Variants in KCNT1 observed in about 807,000 individuals in gnomAD.
The protein encoded by KCNT1 is potassium sodium-activated channel subfamily T member 1.
In KCNT1, 78 loss-of-function variants were observed where a neutral mutation model predicts 147.8. The ratio of observed to expected loss-of-function variants is 0.53; its 90% CI spans 0.44 to 0.64. KCNT1 has a LOEUF of 0.64. Among genes scored for constraint, KCNT1 ranks in the 30% least tolerant of loss-of-function variants. The pLI is 0.00. For synonymous variants in KCNT1, 867 were observed against 748.8 expected (o/e 1.16, Z -2.58); for missense variants, 1,419 against 1,750.3 (o/e 0.81, Z 3.38).
intron 4 of KCNT1, among the ~76,000 whole-genome samples, chr9:135,751,755 C>T (rs1303309340): frequency 6.6e-6 from 1 of 152,204 alleles, no homozygotes; most frequent in Admixed American, 6.5e-5. Context: ...GCCCTCGGTG[C>T]CGGCCTGTCC....
chr9:135,769,442 C>T (rs1270173225), intron 15 of KCNT1, among the ~76,000 whole-genome samples: 1 of 152,188 alleles, frequency 6.6e-6, no homozygotes, highest in Non-Finnish European at 1.5e-5. Flanking sequence ...GGACGGCAGA[C>T]CCCCATCCTC....
intron 2 of KCNT1, among the ~76,000 whole-genome samples, chr9:135,749,804 G>T: frequency 6.6e-6 from 1 of 152,122 alleles, no homozygotes. Flanking sequence ...AGTGAGTGCC[G>T]CACCCTGAGC....
intron 1 of KCNT1, among the ~76,000 whole-genome samples, chr9:135,708,570 A>C (rs985853141): frequency 1.3e-5 from 2 of 152,210 alleles, no homozygotes; most frequent in Admixed American, 6.5e-5. Context: ...TTGTTGTTTC[A>C]GACAGAATCT....
intron 2 of KCNT1, among the ~76,000 whole-genome samples, chr9:135,725,283 C>G (rs988899018): frequency 3.3e-5 from 5 of 152,328 alleles, no homozygotes; most frequent in Non-Finnish European, 5.9e-5. Flanking sequence ...CCTCCCAGAA[C>G]CCCAGAATGT....
Position 135,705,773 on chromosome 9 carries a change from C to T in KCNT1, c.110+3405C>T, listed in dbSNP as rs151337167. ...TTGGCCCAGGGAGGTGAGACCAGTA[C>T]TAGCAGCTGGCAAGTGTAACAGGTT... On this transcript the variant is annotated intron_variant, in intron 1 of 30. Transcript: ENST00000371757. Among the ~76,000 whole-genome samples the T allele has an allele frequency of 3.7e-3, 569 of 152,336 alleles. 2 individuals are homozygous for T. Among genetic ancestry groups the T allele is most frequent in the African/African-American group, 0.013 (550 of 41,572 alleles).
chr9:135,716,979 G>A (rs967993845), intron 2 of KCNT1, among the ~76,000 whole-genome samples: 14 of 152,332 alleles, frequency 9.2e-5, no homozygotes, highest in African/African-American at 3.1e-4. Flanking sequence ...ATGTGTGAAG[G>A]ATGGGAGTGG....
chr9:135,763,722 TAAATC>T (rs1346759708), intron 11 of KCNT1, among the ~76,000 whole-genome samples: 3 of 152,188 alleles, frequency 2.0e-5, no homozygotes, highest in African/African-American at 7.2e-5. Flanking sequence ...GACCTTATCT[TAAATC>T]ATTACATCTG....
intron 2 of KCNT1, among the ~76,000 whole-genome samples, chr9:135,729,717 AT>A (rs1369760118): frequency 5.3e-5 from 8 of 151,938 alleles, no homozygotes; most frequent in Non-Finnish European, 1.2e-4. Context: ...TGCCTCCAGT[AT>A]TTTTTGCAAA....
intron 2 of KCNT1, among the ~76,000 whole-genome samples, chr9:135,718,551 G>A (rs1280871598): frequency 6.6e-6 from 1 of 152,208 alleles, no homozygotes; most frequent in Non-Finnish European, 1.5e-5. Flanking sequence ...CTCAGGTCTG[G>A]GTAAGGTGGA....
chr9:135,775,480 C>T, intron 20 of KCNT1, 65 bp downstream of exon 20: 1 of 1,201,202 alleles, frequency 8.3e-7, no homozygotes, highest in Non-Finnish European at 1.2e-6. Flanking sequence ...TGCATACCTG[C>T]CCTGGTTTCT....
At chr9:135,772,652 G>A in intron 18 of KCNT1, 63 bp from the exon 19 acceptor site, 1 of 1,258,334 alleles carries the variant, frequency 7.9e-7, no homozygotes, top group Non-Finnish European at 1.0e-6. Flanking sequence ...CCTGAGCTCT[G>A]GGAACTCGCC....
At chr9:135,762,248 A>C (rs368231499) in intron 11 of KCNT1, among the ~76,000 whole-genome samples, 8 of 152,354 alleles carry the variant, frequency 5.3e-5, no homozygotes, top group African/African-American at 1.9e-4. Flanking sequence ...ATTTGAGATC[A>C]GCTTGAGCAA....
chr9:135,744,145 G>A (rs1394966112), intron 2 of KCNT1, among the ~76,000 whole-genome samples: 5 of 152,258 alleles, frequency 3.3e-5, no homozygotes, highest in African/African-American at 1.2e-4. Context: ...GTGCCTGACA[G>A]CCTGGAGCTG....
At chr9:135,738,242 G>A (rs1359761375) in intron 2 of KCNT1, among the ~76,000 whole-genome samples, 1 of 152,210 alleles carries the variant, frequency 6.6e-6, no homozygotes, top group Non-Finnish European at 1.5e-5. Flanking sequence ...TTTCACATGG[G>A]TGGCCTCGCT....
At chr9:135,779,803 C>T (rs940991217) in intron 24 of KCNT1, among the ~76,000 whole-genome samples, 2 of 152,260 alleles carry the variant, frequency 1.3e-5, no homozygotes, top group South Asian at 4.1e-4. Flanking sequence ...GTCAGAACTC[C>T]CGTGGGGAGC....
rs183775449 is a variant in KCNT1, at chr9:135,734,122, G to A, written c.255-15976G>A. 2.9e-4 allele frequency among the ~76,000 whole-genome samples: 44 copies of A among 152,322 alleles called. No individual in the cohort carries two copies. The Middle Eastern group carries it at 0.014, about 47-fold the overall frequency. On this transcript the variant is annotated intron_variant, in intron 2 of 30. Coordinates refer to ENST00000371757, the MANE Select transcript of KCNT1 (RefSeq NM_020822.3). The stretch of plus-strand genomic sequence containing the variant: ...CTTGGAGACACGTTTGAACCACAGC[G>A]TCTGTGTGCTCTCTAAAAGGGCAGT...
At chr9:135,775,452 G>A (rs762821294) in intron 20 of KCNT1, 37 bp downstream of exon 20, 7 of 1,527,086 alleles carry the variant, frequency 4.6e-6, no homozygotes, top group Middle Eastern at 1.7e-4. Context: ...TGCACCCCCA[G>A]ACGCCAGCAC....
rs1831254057 is a variant in KCNT1, at chr9:135,752,732, G to A, written c.435-1205G>A. Reference sequence around the variant, plus strand: ...ATAGGTGGATGCATGGTGGGTAGATGGATGGATGGATGGAATAGATGGATG... The same window carrying A: ...ATAGGTGGATGCATGGTGGGTAGATAGATGGATGGATGGAATAGATGGATG... On this transcript the variant is annotated intron_variant, in intron 4 of 30. Transcript: ENST00000371757. The surrounding 1 kb of genome is among the most constrained non-coding windows in gnomAD (Gnocchi z 5.1). Among the ~76,000 whole-genome samples the A allele has an allele frequency of 6.6e-6, 1 of 151,160 alleles. No individual in the cohort carries two copies.
Position 135,772,711 on chromosome 9 carries a change from C to T in KCNT1, c.2009-4C>T. The T allele has an allele frequency of 7.2e-7, 1 of 1,389,900 alleles. No individual in the cohort carries two copies. The highest frequency in any genetic ancestry group is 9.4e-7 in the Non-Finnish European group (1 of 1,068,406). The allele number at this position is 1,389,900 out of a possible 1,614,324, so 86.1% of individuals were successfully genotyped here. ...CTGTGGCCAAGCACAGGGCTCTCTT[C>T]CAGGGACAGTGGCCATGGACCTGCA... is the stretch of plus-strand genomic sequence containing the variant. On this transcript the variant is annotated splice_region_variant and splice_polypyrimidine_tract_variant and intron_variant, in intron 18 of 30. Coordinates refer to ENST00000371757, the MANE Select transcript of KCNT1 (RefSeq NM_020822.3).
Sources: gnomAD v4.1 joint callset for allele counts (sites outside exome capture counted in the v4.1 genomes callset) on GRCh38, gnomAD v4.1.1 for gene constraint, Gnocchi (gnomAD v3.1) non-coding constraint, MANE v1.5 for transcripts, NCBI Gene and HGNC (gene_info 2026-07-23, HGNC 2026-07-21) for gene names.